Variants in ZNF235 observed in about 807,000 individuals in gnomAD.
ZNF235 encodes zfp-93.
A neutral mutation model predicts 29.4 loss-of-function variants in ZNF235; 25 were observed. That is an observed-to-expected ratio of 0.85 (90% confidence interval 0.62 to 1.19). ZNF235 has a LOEUF of 1.19. Among genes scored for constraint, ZNF235 ranks in the 50% most tolerant of loss-of-function variants. The pLI is 0.00. For synonymous variants in ZNF235, 300 were observed against 295.3 expected, an observed-to-expected ratio of 1.02 and a Z score of -0.16; for missense variants, 788 against 885.0, an observed-to-expected ratio of 0.89 and a Z score of 1.39.
In ZNF235 at chr19:44,288,344, G is replaced by A; in HGVS notation, c.1091C>T (p.Ala364Val). 1 of 1,613,742 alleles carries A rather than the reference G, an allele frequency of 6.2e-7. No homozygotes were observed. Among genetic ancestry groups the A allele is most frequent in the Non-Finnish European group, 8.5e-7 (1 of 1,179,942 alleles). Reference sequence around the variant, plus strand: ...CTCTCCTGTGTGAATAGGCAAATGAGCATAAAGATGTGAGCTCTGATTAAA... The same window carrying A: ...CTCTCCTGTGTGAATAGGCAAATGAACATAAAGATGTGAGCTCTGATTAAA... ...KSFNQSSHLY[A>V]HLPIHTGEKP... Residue 364 changes from alanine to valine, a missense_variant, in exon 5 of 5, where the codon GCT (alanine) becomes GTT (valine). Ala to Val is a moderately conservative substitution (Grantham distance 64). Coordinates refer to ENST00000291182, the MANE Select transcript of ZNF235 (RefSeq NM_004234.4).
chr19:44,292,435 G>C (rs1975597412), intron 4 of ZNF235, among the ~76,000 whole-genome samples: 1 of 151,052 alleles, frequency 6.6e-6, no homozygotes, highest in African/African-American at 2.4e-5. Context: ...AAAAATCATT[G>C]AAGAAATTAC....
rs147148300 is a variant in ZNF235, at chr19:44,302,478, TTGTAA to T, written c.15+907_15+911del. On this transcript the variant is annotated intron_variant, in intron 2 of 4. Coordinates refer to ENST00000291182, the MANE Select transcript of ZNF235 (RefSeq NM_004234.4). ...TGTGGGAAATGATTTGTAAACATATTTGTAATGTGAGAGTTGTTTTCCATTTAAAA... is the reference window on the plus strand; with the variant it reads ...TGTGGGAAATGATTTGTAAACATATTTGTGAGAGTTGTTTTCCATTTAAAA... Among the ~76,000 whole-genome samples, 1,218 of 152,188 alleles carry T rather than the reference TTGTAA, an allele frequency of 8.0e-3. 19 individuals are homozygous for T. The highest frequency in any genetic ancestry group is 0.028 in the African/African-American group (1,152 of 41,510).
In ZNF235 at chr19:44,305,009, G is replaced by A. The variant is rs147831148; in HGVS notation, c.-87C>T. The stretch of plus-strand genomic sequence containing the variant: ...ATCTCAGATCCGACCTCGCCTTCCT[G>A]GAGCGGAAGTGCCTCCGAGTGCCCA... On this transcript the variant is annotated 5_prime_UTR_variant, in exon 1 of 5. Coordinates refer to ENST00000291182, the MANE Select transcript of ZNF235 (RefSeq NM_004234.4). 1.1e-6 allele frequency: 1 copy of A among 938,944 alleles called. No homozygotes were observed. Among genetic ancestry groups the A allele is most frequent in the East Asian group, 1.2e-4 (1 of 8,568 alleles). 58.2% of individuals were successfully genotyped at this position (938,944 alleles called of 1,614,324 possible).
intron 4 of ZNF235, among the ~76,000 whole-genome samples, chr19:44,294,860 T>C (rs180692421): frequency 3.9e-5 from 6 of 151,996 alleles, no homozygotes; most frequent in East Asian, 3.9e-4. Context: ...TCAACAGATA[T>C]ATAAAAACCA....
rs1369511057 is a variant in ZNF235, at chr19:44,287,174, A to G, written c.*44T>C. On this transcript the variant is annotated 3_prime_UTR_variant, in exon 5 of 5. Coordinates refer to ENST00000291182, the MANE Select transcript of ZNF235 (RefSeq NM_004234.4). ...TCAGCATGGACTTCCCAACGGAGAC[A>G]AAGATGTGAGCTCTAACTGAAGGCT... is the stretch of plus-strand genomic sequence containing the variant. The G allele has an allele frequency of 2.0e-6, 3 of 1,518,654 alleles. 1 individual carries two copies. The highest frequency in any genetic ancestry group is 1.8e-4 in the Middle Eastern group (1 of 5,518). The allele number at this position is 1,518,654 out of a possible 1,614,324, so 94.1% of individuals were successfully genotyped here.
At chr19:44,302,948 G>A (rs1260537305) in intron 2 of ZNF235, among the ~76,000 whole-genome samples, 24 of 80,126 alleles carry the variant, frequency 3.0e-4, no homozygotes, top group African/African-American at 1.7e-3. Context: ...ATACATATTT[G>A]TATATATAAA....
At chr19:44,289,292 C>T (rs1339993901) in intron 4 of ZNF235, 96 bp from the exon 5 acceptor site, 21 of 1,189,036 alleles carry the variant, frequency 1.8e-5, no homozygotes, top group South Asian at 1.7e-4. Flanking sequence ...CCCATGGAAA[C>T]GTCAAAAAAA....
In ZNF235 at chr19:44,293,064, C is replaced by A. The variant is rs1975606243; in HGVS notation, c.239-3868G>T. Reference sequence around the variant, plus strand: ...CACTAGACCAGGTCTACAGGGAATGCTCAAGTGAGTTCTAACCATGAAAAC... The same window carrying A: ...CACTAGACCAGGTCTACAGGGAATGATCAAGTGAGTTCTAACCATGAAAAC... On this transcript the variant is annotated intron_variant, in intron 4 of 4. Transcript: ENST00000291182. 2.0e-5 allele frequency among the ~76,000 whole-genome samples: 3 copies of A among 152,080 alleles called. No homozygotes were observed. The South Asian group carries it at 6.2e-4, about 31-fold the overall frequency.
chr19:44,295,268 A>G (rs911655242), intron 4 of ZNF235, among the ~76,000 whole-genome samples: 5 of 152,188 alleles, frequency 3.3e-5, no homozygotes, highest in African/African-American at 7.2e-5. Flanking sequence ...TCAATATACA[A>G]AAGTCAGTAG....
At chr19:44,294,654 T>C (rs545332006) in intron 4 of ZNF235, among the ~76,000 whole-genome samples, 1 of 152,044 alleles carries the variant, frequency 6.6e-6, no homozygotes, top group South Asian at 2.1e-4. Context: ...TGAATGTAGA[T>C]GCAAAAATCC....
chr19:44,292,390 T>A (rs75881409), intron 4 of ZNF235, among the ~76,000 whole-genome samples: 6,426 of 151,606 alleles, frequency 0.042, 179 homozygotes, highest in Non-Finnish European at 0.067. Context: ...ATCTTTTTTT[T>A]AAAAAGCCAA....
chr19:44,293,511 T>C (rs1357510055), intron 4 of ZNF235, among the ~76,000 whole-genome samples: 2 of 151,806 alleles, frequency 1.3e-5, no homozygotes, highest in African/African-American at 4.8e-5. Flanking sequence ...CACCACTAGA[T>C]AGACTGAGAC....
chr19:44,299,477 C>A (rs1181886796), intron 3 of ZNF235, 129 bp downstream of exon 3: 4 of 1,174,648 alleles, frequency 3.4e-6, no homozygotes, highest in Non-Finnish European at 4.9e-6. Context: ...GGGACAGAGG[C>A]CAGGGATGCC....
Position 44,288,085 on chromosome 19 carries a change from C to T in ZNF235, c.1350G>A (p.Gln450=). 1 of 1,614,174 alleles carries T rather than the reference C, an allele frequency of 6.2e-7. No homozygotes were observed. The highest frequency in any genetic ancestry group is 8.5e-7 in the Non-Finnish European group (1 of 1,180,030). ...ATGGTTTTTCTTCAGTGTGGACTCT[C>T]TGATGGGTATGAAGATTTGAGCTAC... The part of the protein sequence containing the change: ...FSCSSNLHTH[Q]RVHTEEKPYK... The change falls in exon 5 of 5, where the codon CAG becomes CAA. Residue 450 remains glutamine, a synonymous_variant. Coordinates refer to ENST00000291182, the MANE Select transcript of ZNF235 (RefSeq NM_004234.4).
intron 1 of ZNF235, 188 bp downstream of exon 1, chr19:44,304,783 G>A (rs1014133372): frequency 2.0e-6 from 2 of 985,358 alleles, no homozygotes; most frequent in African/African-American, 3.5e-5. Flanking sequence ...CAACCTCGAA[G>A]GACGACGCGA....
chr19:44,301,228 A>G (rs768046373), intron 2 of ZNF235, among the ~76,000 whole-genome samples: 12 of 152,140 alleles, frequency 7.9e-5, no homozygotes, highest in Non-Finnish European at 1.5e-4. Flanking sequence ...AAGTTTGTAT[A>G]TGGTGTTTTT....
rs142725667 is a variant in ZNF235, at chr19:44,288,120, G to A, written c.1315C>T (p.Arg439Cys). ...TGAAGATTTGAGCTACAACTAAAGC[G>A]TTTACCACAATCCCCACATTTATAT... ...KPYKCGDCGK[R>C]FSCSSNLHTH... The change falls in exon 5 of 5, where the codon CGC (arginine) becomes TGC (cysteine). Residue 439 changes from arginine to cysteine, a missense_variant. Physicochemically the swap from Arg to Cys is radical, Grantham distance 180. Coordinates refer to ENST00000291182, the MANE Select transcript of ZNF235 (RefSeq NM_004234.4). 22 of 1,613,432 alleles carry A rather than the reference G, an allele frequency of 1.4e-5. No homozygotes were observed. The highest frequency in any genetic ancestry group is 8.0e-5 in the African/African-American group (6 of 74,690).
At chr19:44,303,563 GCA>G (rs1463480169) in intron 1 of ZNF235, 111 bp from the exon 2 acceptor site, 4 of 929,884 alleles carry the variant, frequency 4.3e-6, no homozygotes, top group Non-Finnish European at 6.4e-6. Context: ...AGACACAGTT[GCA>G]CACGGCTTAG....
At chr19:44,303,117 A>T (rs1318075605) in intron 2 of ZNF235, among the ~76,000 whole-genome samples, 1 of 143,652 alleles carries the variant, frequency 7.0e-6, no homozygotes, top group Non-Finnish European at 1.5e-5. Flanking sequence ...TTTCTTATAA[A>T]TATATACATA....
Sources: allele counts gnomAD v4.1 joint callset (sites outside exome capture counted in the v4.1 genomes callset), GRCh38; gene constraint gnomAD v4.1.1; transcripts MANE v1.5; gene names NCBI Gene and HGNC (gene_info 2026-07-23, HGNC 2026-07-21).